Variants in VPS72 observed in about 807,000 individuals in gnomAD.
The protein encoded by VPS72 is vacuolar protein sorting-associated protein 72 homolog.
In VPS72, 27 loss-of-function variants were observed where a neutral mutation model predicts 38.9. That is an observed-to-expected ratio of 0.69 (90% CI 0.51 to 0.96). The LOEUF (loss-of-function observed/expected upper bound fraction) is 0.96, where lower values mean the gene tolerates loss of function less well. Among genes scored for constraint, VPS72 ranks in the 40% least tolerant of loss-of-function variants. The pLI, the probability that VPS72 is intolerant of heterozygous loss-of-function variation, is 0.00. For missense variants in VPS72, 360 were observed against 479.5 expected (o/e 0.75, Z 2.33); for synonymous variants, 173 against 186.3 (o/e 0.93, Z 0.58).
At chr1:151,182,479 G>T (rs1684261299) in intron 4 of VPS72, among the ~76,000 whole-genome samples, 1 of 152,056 alleles carries the variant, frequency 6.6e-6, no homozygotes, top group African/African-American at 2.4e-5. Context: ...TCTCATGAAA[G>T]ACATAATTTC....
At chr1:151,187,014 GACAGAAAA>G (rs1482320593) in intron 1 of VPS72, among the ~76,000 whole-genome samples, 1 of 152,152 alleles carries the variant, frequency 6.6e-6, no homozygotes, top group East Asian at 1.9e-4. Context: ...GGCGTGTTGG[GACAGAAAA>G]ACAGCTGAGT....
At chr1:151,184,936 T>C (rs1684317043) in intron 3 of VPS72, among the ~76,000 whole-genome samples, 2 of 152,142 alleles carry the variant, frequency 1.3e-5, no homozygotes, top group Admixed American at 6.6e-5. Flanking sequence ...GGAATACTCA[T>C]GTATCTTTTA....
At chr1:151,177,828 G>A (rs906904424) in intron 5 of VPS72, among the ~76,000 whole-genome samples, 173 bp downstream of exon 5, 2 of 151,120 alleles carry the variant, frequency 1.3e-5, no homozygotes, top group African/African-American at 4.9e-5. Context: ...AGGTGACAGA[G>A]CAGCATCATG....
In VPS72 at chr1:151,189,888, AG is replaced by A. The variant is rs1351801305; in HGVS notation, c.117+116del. The A allele has an allele frequency of 3.4e-6, 4 of 1,181,920 alleles. No individual in the cohort carries two copies. The African/African-American group carries it at 6.1e-5, about 18-fold the overall frequency. The allele number at this position is 1,181,920 out of a possible 1,614,324, so 73.2% of individuals were successfully genotyped here. On this transcript the variant is annotated intron_variant, in intron 1 of 5. Transcript: ENST00000368892. ...GGCTCCGATTCACCCACCCAACTCG[AG>A]TATCAGCTCCCAGAGCTCCTCTCTA...
intron 5 of VPS72, among the ~76,000 whole-genome samples, chr1:151,177,357 C>T (rs1684134912): frequency 6.8e-6 from 1 of 146,504 alleles, no homozygotes. Context: ...TACACTCCAG[C>T]CTGGGTGACA....
rs1235936700 is a variant in VPS72, at chr1:151,176,707, T to C, written c.1032A>G (p.Pro344=). 2 of 1,613,836 alleles carry C rather than the reference T, an allele frequency of 1.2e-6. No homozygotes were observed. Among genetic ancestry groups the C allele is most frequent in the African/African-American group, 1.3e-5 (1 of 74,842 alleles). ...CAGAGCCAGGGAGGGGCTCAGGAGG[T>C]GGCGGGCCGGGGCCCAGGGCTGAGG... ...PTASALGPGP[P]PPEPLPGSGP... The change falls in exon 6 of 6, where the codon CCA becomes CCG. Residue 344 remains proline (P), a synonymous_variant. Coordinates refer to ENST00000368892, the MANE Select transcript of VPS72 (RefSeq NM_005997.3).
chr1:151,183,354 G>A (rs1450649658), intron 4 of VPS72, among the ~76,000 whole-genome samples: 6 of 140,798 alleles, frequency 4.3e-5, no homozygotes, highest in Admixed American at 2.2e-4. Context: ...CTCAGGAGGC[G>A]GAGCTTGCAG....
At position 151,184,976 on chromosome 1, in the gene VPS72, C is replaced by T. The variant is rs190820172; in HGVS notation, c.386-483G>A. Among the ~76,000 whole-genome samples, 621 of 152,184 alleles carry T rather than the reference C, an allele frequency of 4.1e-3. 6 individuals are homozygous for T. Among genetic ancestry groups the T allele is most frequent in the African/African-American group, 0.014 (582 of 41,522 alleles). On this transcript the variant is annotated intron_variant, in intron 3 of 5. Coordinates refer to ENST00000368892, the MANE Select transcript of VPS72 (RefSeq NM_005997.3). Reference sequence around the variant, plus strand: ...ATCACCTATTGGTAATATTTTGGCCCTTTTGCATTTTGTTATGTGTGGTTT... The same window carrying T: ...ATCACCTATTGGTAATATTTTGGCCTTTTTGCATTTTGTTATGTGTGGTTT...
In VPS72 at chr1:151,184,502, GA is replaced by G; in HGVS notation, c.386-10del. ...ACGCATAGACTTCCGACCTGGAAGA[GA>G]GTGAGATAAGAAGAAATCTTTGAAT... On this transcript the variant is annotated splice_polypyrimidine_tract_variant and intron_variant, in intron 3 of 5. Coordinates refer to ENST00000368892, the MANE Select transcript of VPS72 (RefSeq NM_005997.3). The G allele has an allele frequency of 6.3e-7, 1 of 1,594,792 alleles. No individual in the cohort carries two copies. The highest frequency in any genetic ancestry group is 1.7e-4 in the Middle Eastern group (1 of 5,984).
intron 5 of VPS72, among the ~76,000 whole-genome samples, chr1:151,177,596 G>A (rs747581139): frequency 6.6e-6 from 1 of 152,084 alleles, no homozygotes; most frequent in African/African-American, 2.4e-5. Flanking sequence ...GCTGGGCGCG[G>A]TGGCTCACAC....
intron 4 of VPS72, among the ~76,000 whole-genome samples, chr1:151,181,790 T>C (rs587617880): frequency 5.3e-5 from 8 of 152,308 alleles, no homozygotes; most frequent in African/African-American, 1.9e-4. Flanking sequence ...TCCAGCTGTA[T>C]CCTTAATGTT....
At chr1:151,179,496 G>C (rs1176326183) in intron 4 of VPS72, among the ~76,000 whole-genome samples, 1 of 152,170 alleles carries the variant, frequency 6.6e-6, no homozygotes, top group Non-Finnish European at 1.5e-5. Flanking sequence ...CTACTCGGGA[G>C]GCTGGGGCAG....
Position 151,190,029 on chromosome 1 carries a change from C to A in VPS72, c.93G>T (p.Gln31His). ...LEAEEEDEFY[Q>H]TTYGGFTEES... ...CCTCTGTGAAACCCCCATAAGTCGT[C>A]TGGTAGAACTCATCTTCCTCCTCTG... Residue 31 changes from glutamine to histidine, a missense_variant, in exon 1 of 6, where the codon CAG (glutamine) becomes CAT (histidine). By Grantham distance (24) the Gln-to-His change is conservative. Transcript: ENST00000368892. 1.2e-6 allele frequency: 2 copies of A among 1,614,126 alleles called. No individual in the cohort carries two copies. The highest frequency in any genetic ancestry group is 1.7e-6 in the Non-Finnish European group (2 of 1,180,008).
chr1:151,185,879 A>C lies in VPS72; in HGVS notation c.189T>G (p.Ile63Met), dbSNP rs1250795717. 2 of 1,613,906 alleles carry C rather than the reference A, an allele frequency of 1.2e-6. No individual in the cohort carries two copies. Among genetic ancestry groups the C allele is most frequent in the Non-Finnish European group, 1.7e-6 (2 of 1,180,004 alleles). Reference protein sequence around the residue: ...TEDEVDSDFDIDEGDEPSSDG... With the variant: ...TEDEVDSDFDMDEGDEPSSDG... The stretch of plus-strand genomic sequence containing the variant: ...CACTGGATGGTTCATCCCCTTCATC[A>C]ATGTCAAAGTCAGAGTCCACTTCGT... Residue 63 changes from isoleucine to methionine, a missense_variant, in exon 2 of 6, where the codon ATT becomes ATG. Ile to Met is a conservative substitution (Grantham distance 10). This residue lies in a region of VPS72 where 66 missense variants were observed against 123.1 expected (regional missense o/e 0.54). Transcript: ENST00000368892.
At chr1:151,185,777 C>T (rs756176679) in intron 2 of VPS72, 21 bp downstream of exon 2, 3 of 1,613,372 alleles carry the variant, frequency 1.9e-6, no homozygotes, top group Non-Finnish European at 2.5e-6. Context: ...AAATCCAAGA[C>T]AACTAGGACT....
In VPS72 at chr1:151,189,860, C is replaced by G. The variant is rs587763160; in HGVS notation, c.117+145G>C. 26 of 944,652 alleles carry G rather than the reference C, an allele frequency of 2.8e-5. No individual in the cohort carries two copies. The East Asian group carries it at 3.2e-4, about 12-fold the overall frequency. 58.5% of individuals were successfully genotyped at this position (944,652 alleles called of 1,614,324 possible). Reference sequence around the variant, plus strand: ...CACTATCCGTTCCCCCGCCTCGCCCCCCGGCTCCGATTCACCCACCCAACT... The same window carrying G: ...CACTATCCGTTCCCCCGCCTCGCCCGCCGGCTCCGATTCACCCACCCAACT... On this transcript the variant is annotated intron_variant, in intron 1 of 5. Transcript: ENST00000368892.
At chr1:151,178,264 G>T in intron 4 of VPS72, 119 bp from the exon 5 acceptor site, 1 of 1,352,294 alleles carries the variant, frequency 7.4e-7, no homozygotes, top group Non-Finnish European at 9.8e-7. Flanking sequence ...CCAACTACCA[G>T]AGACAACTAT....
chr1:151,190,132 G>A lies in VPS72; in HGVS notation c.-11C>T. 2 of 1,612,080 alleles carry A rather than the reference G, an allele frequency of 1.2e-6. No homozygotes were observed. Among genetic ancestry groups the A allele is most frequent in the Non-Finnish European group, 1.7e-6 (2 of 1,179,940 alleles). On this transcript the variant is annotated 5_prime_UTR_variant, in exon 1 of 6. Coordinates refer to ENST00000368892, the MANE Select transcript of VPS72 (RefSeq NM_005997.3). ...CCCAGCCAAACTCATACCGCCTACC[G>A]AGACTGCGCCGCCACCTGCAGCCCC...
rs1684096434 is a variant in VPS72 at position 151,176,340 on chromosome 1, T to C, written c.*304A>G. The C allele has an allele frequency of 2.9e-6, 1 of 343,184 alleles. No individual in the cohort carries two copies. The allele number at this position is 343,184 out of a possible 1,614,324, so 21.3% of individuals were successfully genotyped here. The stretch of plus-strand genomic sequence containing the variant: ...AATTTTCAGATGTTTATAATTTAGT[T>C]GGAGGAATGAATACAATTTAGAAAG... On this transcript the variant is annotated 3_prime_UTR_variant, in exon 6 of 6. Coordinates refer to ENST00000368892, the MANE Select transcript of VPS72 (RefSeq NM_005997.3).
Sources: gnomAD v4.1 joint callset for allele counts (sites outside exome capture counted in the v4.1 genomes callset) on GRCh38, gnomAD v4.1.1 for gene constraint, gnomAD v4.1.1 regional missense constraint, MANE v1.5 for transcripts, NCBI Gene and HGNC (gene_info 2026-07-23, HGNC 2026-07-21) for gene names.